ALDH3B2: variants seen among roughly 807,000 people sequenced by gnomAD.
The protein encoded by ALDH3B2 is aldehyde dehydrogenase family 3 member B2.
ALDH3B2 carries 45 observed loss-of-function variants against 36.7 expected under a neutral mutation model. The observed-to-expected ratio is 1.23, with a 90% CI of 0.97 to 1.57. The LOEUF (loss-of-function observed/expected upper bound fraction) is 1.57. Ranked by LOEUF, ALDH3B2 falls within the 40% of genes most tolerant of loss-of-function variation. The pLI is 0.00. For synonymous variants in ALDH3B2, 217 were observed against 226.5 expected, an observed-to-expected ratio of 0.96 and a Z score of 0.38; for missense variants, 464 against 513.3, an observed-to-expected ratio of 0.90 and a Z score of 0.93.
intron 1 of ALDH3B2, among the ~76,000 whole-genome samples, chr11:67,670,710 G>T (rs1856083567): frequency 6.6e-6 from 1 of 152,170 alleles, no homozygotes; most frequent in Non-Finnish European, 1.5e-5. Flanking sequence ...AGGAAGCCAT[G>T]CTGGGCACCT....
exon 7 of ALDH3B2, chr11:67,665,667 G>A: frequency 6.2e-7 from 1 of 1,604,590 alleles, no homozygotes; most frequent in Non-Finnish European, 8.5e-7. Context: ...CCACACGAGG[G>A]CTCCCTGGGC....
At chr11:67,662,276 G>A (rs557098470) in exon 10 of ALDH3B2, 2 of 152,248 alleles carry the variant, frequency 1.3e-5, no homozygotes, top group Non-Finnish European at 2.9e-5. Flanking sequence ...GCTTTTAAAG[G>A]ACAGAAGTCC....
At chr11:67,669,049 GTC>G (rs1259704117) in intron 1 of ALDH3B2, among the ~76,000 whole-genome samples, 1 of 151,450 alleles carries the variant, frequency 6.6e-6, no homozygotes. Context: ...GGATGTCTGT[GTC>G]TCTGCGTGTA....
intron 6 of ALDH3B2, 143 bp from the exon 7 acceptor site, chr11:67,665,814 G>A: frequency 7.7e-7 from 1 of 1,303,892 alleles, no homozygotes; most frequent in African/African-American, 1.5e-5. Flanking sequence ...ATCCTCAACT[G>A]GCCTTGACCA....
At chr11:67,680,155 G>C (rs1205360517) in intron 1 of ALDH3B2, among the ~76,000 whole-genome samples, 5 of 151,878 alleles carry the variant, frequency 3.3e-5, no homozygotes. Context: ...CTCTACTAAA[G>C]ATACAAAAAT....
At chr11:67,664,010 T>G (rs1285822404) in intron 8 of ALDH3B2, among the ~76,000 whole-genome samples, 5 of 151,998 alleles carry the variant, frequency 3.3e-5, no homozygotes, top group Admixed American at 1.3e-4. Context: ...CCGGCAGCCT[T>G]GAGTCGCGAC....
At chr11:67,668,137 C>T (rs2514019) in intron 1 of ALDH3B2, among the ~76,000 whole-genome samples, 5 of 152,206 alleles carry the variant, frequency 3.3e-5, no homozygotes, top group African/African-American at 7.2e-5. Context: ...GATCACAGAG[C>T]TTTGAGGTCG....
intron 8 of ALDH3B2, among the ~76,000 whole-genome samples, chr11:67,664,061 C>T (rs113980888): frequency 7.2e-5 from 11 of 152,268 alleles, no homozygotes; most frequent in Admixed American, 2.6e-4. Context: ...CGGGCCCCAC[C>T]GCGACCCGCT....
chr11:67,678,707 C>CTATATA (rs36154763), upstream of ALDH3B2, among the ~76,000 whole-genome samples: 21 of 145,526 alleles, frequency 1.4e-4, no homozygotes, highest in South Asian at 4.3e-4. Flanking sequence ...ACTATGGTGT[C>CTATATA]TATATATATA....
chr11:67,665,139 C>T (rs557994495), intron 7 of ALDH3B2, 146 bp downstream of exon 7: 23 of 1,392,492 alleles, frequency 1.7e-5, no homozygotes, highest in Middle Eastern at 2.2e-4. Context: ...GAGACGGAAT[C>T]GTGGCACCAG....
At position 67,673,994 on chromosome 11, in the gene ALDH3B2, C is replaced by T. The variant is rs537544374; in HGVS notation, c.-245+443G>A. Reference sequence around the variant, plus strand: ...CTTTTAACATCTGAAACCAAAGATCCGACTTTCGCTTCAACTGCCAAGAAT... The same window carrying T: ...CTTTTAACATCTGAAACCAAAGATCTGACTTTCGCTTCAACTGCCAAGAAT... On this transcript the variant is annotated intron_variant, in intron 1 of 9. Transcript: ENST00000349015. Among the ~76,000 whole-genome samples, 115 of 152,324 alleles carry T rather than the reference C, an allele frequency of 7.5e-4. 1 individual carries two copies. The Middle Eastern group carries it at 0.014, about 18-fold the overall frequency.
intron 1 of ALDH3B2, among the ~76,000 whole-genome samples, chr11:67,680,967 G>T (rs1301224110): frequency 1.3e-5 from 2 of 152,186 alleles, no homozygotes; most frequent in Admixed American, 6.5e-5. Context: ...TGTTAGCTCA[G>T]ATCCTCCAAA....
At position 67,664,990 on chromosome 11, in the gene ALDH3B2, C is replaced by T. The variant is rs185711535; in HGVS notation, c.706+295G>A. Among the ~76,000 whole-genome samples the T allele has an allele frequency of 4.3e-4, 66 of 152,282 alleles. 1 individual carries two copies. In the East Asian group the frequency reaches 7.7e-3, roughly 18 times the overall value. On this transcript the variant is annotated intron_variant, in intron 7 of 9. Transcript: ENST00000349015. Reference sequence around the variant, plus strand: ...CATGGGCTCGGAGAATCAGAGGTTACGGCCTTTCAGGACAGCCGGTGGTGG... The same window carrying T: ...CATGGGCTCGGAGAATCAGAGGTTATGGCCTTTCAGGACAGCCGGTGGTGG...
exon 10 of ALDH3B2, chr11:67,663,190 G>T: frequency 6.3e-7 from 1 of 1,581,102 alleles, no homozygotes; most frequent in South Asian, 1.2e-5. Context: ...TTCTCTGTGT[G>T]ACCCGTTGGA....
upstream of ALDH3B2, among the ~76,000 whole-genome samples, chr11:67,675,402 T>C (rs932619865): frequency 3.3e-5 from 5 of 152,214 alleles, no homozygotes; most frequent in Non-Finnish European, 5.9e-5. Context: ...AAGTATTTGC[T>C]GAGCACCTTC....
At chr11:67,666,849 G>A in intron 3 of ALDH3B2, 57 bp downstream of exon 3, 1 of 1,613,572 alleles carries the variant, frequency 6.2e-7, no homozygotes, top group Non-Finnish European at 8.5e-7. Context: ...AGGGGGCCTG[G>A]GCCAGAGCTA....
Position 67,666,484 on chromosome 11 carries a change from G to A in ALDH3B2, c.152-83C>T, listed in dbSNP as rs577561831. On this transcript the variant is annotated intron_variant, in intron 4 of 9. Coordinates refer to ENST00000349015, the Ensembl canonical transcript of ALDH3B2. ...GGGCTGGGCTCAGAGGGCATGTGAG[G>A]CCCAGGGTACCTCAGAGCAAGATTC... The A allele has an allele frequency of 8.7e-6, 14 of 1,604,216 alleles. No individual in the cohort carries two copies. The East Asian group carries it at 2.7e-4, about 31-fold the overall frequency.
chr11:67,680,878 AG>A (rs1215944470), intron 1 of ALDH3B2, among the ~76,000 whole-genome samples: 1 of 152,156 alleles, frequency 6.6e-6, no homozygotes, highest in Non-Finnish European at 1.5e-5. Context: ...AAACTATACA[AG>A]CACCCTCCCT....
At chr11:67,663,614 G>A (rs1179600720) in intron 9 of ALDH3B2, 48 bp downstream of exon 9, 2 of 1,559,958 alleles carry the variant, frequency 1.3e-6, no homozygotes, top group Non-Finnish European at 1.8e-6. Flanking sequence ...CTGGGTCTGG[G>A]GTACCAAAGC....
Sources: allele counts gnomAD v4.1 joint callset (sites outside exome capture counted in the v4.1 genomes callset), GRCh38; gene constraint gnomAD v4.1.1; transcripts MANE v1.5; gene names NCBI Gene and HGNC (gene_info 2026-07-23, HGNC 2026-07-21).